Variants in ARHGEF7 observed in about 807,000 individuals in gnomAD.
ARHGEF7 encodes the protein PAK-interacting exchange factor beta.
ARHGEF7 carries 33 observed loss-of-function variants against 109.8 expected under a neutral mutation model. That is an observed-to-expected ratio of 0.30 (90% CI 0.23 to 0.40). The LOEUF (loss-of-function observed/expected upper bound fraction) is 0.40, where lower values mean the gene tolerates loss of function less well. Ranked by LOEUF, ARHGEF7 falls within the 10% of genes least tolerant of loss-of-function variation. The probability of loss-of-function intolerance (pLI) is 1.00; values close to 1 mark genes in which losing one functional copy is unlikely to be tolerated. For synonymous variants in ARHGEF7, 458 were observed against 424.6 expected (o/e 1.08, Z -0.97); for missense variants, 938 against 1,098.5 (o/e 0.85, Z 2.07).
intron 2 of ARHGEF7, among the ~76,000 whole-genome samples, chr13:111,168,483 T>A (rs2077312915): frequency 6.6e-6 from 1 of 152,190 alleles, no homozygotes. Flanking sequence ...GTTCTCAGAA[T>A]GTTCCAAGAA....
intron 2 of ARHGEF7, among the ~76,000 whole-genome samples, chr13:111,176,361 C>G (rs553337276): frequency 1.3e-5 from 2 of 152,338 alleles, no homozygotes; most frequent in South Asian, 4.1e-4. Flanking sequence ...AAGGCAGTTT[C>G]TGTTTCCTGA....
intron 2 of ARHGEF7, among the ~76,000 whole-genome samples, chr13:111,179,768 T>A (rs1237762555): frequency 6.6e-6 from 1 of 152,192 alleles, no homozygotes; most frequent in Non-Finnish European, 1.5e-5. Context: ...AATCCAGGCT[T>A]GTTAGTGTGT....
intron 1 of ARHGEF7, among the ~76,000 whole-genome samples, chr13:111,121,469 A>T (rs1364176074): frequency 6.6e-6 from 1 of 152,212 alleles, no homozygotes; most frequent in Non-Finnish European, 1.5e-5. Context: ...GAGGCCACTG[A>T]TCACTCTAAA....
chr13:111,203,416 C>T (rs1006622397), intron 2 of ARHGEF7, among the ~76,000 whole-genome samples: 1 of 152,174 alleles, frequency 6.6e-6, no homozygotes, highest in African/African-American at 2.4e-5. Flanking sequence ...AATATTACAA[C>T]AAATGTATTC....
At chr13:111,206,764 ATCCTGGCTAACACGGTGAAACCCCG>A (rs1451878177) in intron 3 of ARHGEF7, among the ~76,000 whole-genome samples, 2 of 152,010 alleles carry the variant, frequency 1.3e-5, no homozygotes, top group Non-Finnish European at 2.9e-5. Context: ...GATCGAGACC[ATCCTGGCTAACACGGTGAAACCCCG>A]TCTCAACTAA....
chr13:111,305,536 A>G lies in ARHGEF7; in HGVS notation c.*2423A>G, dbSNP rs2093633590. On this transcript the variant is annotated 3_prime_UTR_variant, in exon 22 of 22. Coordinates refer to ENST00000646102, the MANE Select transcript of ARHGEF7 (RefSeq NM_001354046.2). ...TGTCCACATGCGCTGGGCGTCTGGG[A>G]CCTTGAATGCCTGCCCTGGTTGTGT... 1 of 152,212 alleles carries G rather than the reference A, an allele frequency of 6.6e-6. No individual in the cohort carries two copies. The highest frequency in any genetic ancestry group is 2.4e-5 in the African/African-American group (1 of 41,446). The allele number at this position is 152,212 out of a possible 1,614,324, so 9.4% of individuals were successfully genotyped here.
intron 2 of ARHGEF7, among the ~76,000 whole-genome samples, chr13:111,176,380 C>T (rs1431494396): frequency 2.0e-5 from 3 of 152,202 alleles, no homozygotes; most frequent in South Asian, 2.1e-4. Flanking sequence ...GAGAATTGTG[C>T]GTGATGTGCC....
At chr13:111,171,798 A>G (rs552912781) in intron 2 of ARHGEF7, among the ~76,000 whole-genome samples, 1 of 152,334 alleles carries the variant, frequency 6.6e-6, no homozygotes, top group East Asian at 1.9e-4. Flanking sequence ...CCAAGGTGAC[A>G]GTATTAGGAG....
intron 2 of ARHGEF7, among the ~76,000 whole-genome samples, chr13:111,166,318 C>G (rs1375156348): frequency 1.3e-5 from 2 of 152,158 alleles, no homozygotes; most frequent in Non-Finnish European, 2.9e-5. Flanking sequence ...GGAGCGAGAT[C>G]AGGTGGTCCT....
At chr13:111,134,127 CT>C (rs1200324552) in intron 1 of ARHGEF7, among the ~76,000 whole-genome samples, 2 of 151,870 alleles carry the variant, frequency 1.3e-5, no homozygotes, top group Non-Finnish European at 2.9e-5. Flanking sequence ...TGAACTCATC[CT>C]TTTTTATGGC....
chr13:111,168,184 G>A (rs2153408482), intron 2 of ARHGEF7, among the ~76,000 whole-genome samples: 1 of 152,258 alleles, frequency 6.6e-6, no homozygotes, highest in South Asian at 2.1e-4. Flanking sequence ...GGCCAGGGTA[G>A]CTGGTGGAAG....
intron 17 of ARHGEF7, among the ~76,000 whole-genome samples, chr13:111,287,322 G>A (rs2093061876): frequency 6.6e-6 from 1 of 152,184 alleles, no homozygotes; most frequent in Non-Finnish European, 1.5e-5. Context: ...GCTGTGCCGG[G>A]GCTTCTCTCT....
intron 5 of ARHGEF7, among the ~76,000 whole-genome samples, chr13:111,222,462 G>C (rs1173578259): frequency 6.6e-6 from 1 of 151,888 alleles, no homozygotes; most frequent in Non-Finnish European, 1.5e-5. Context: ...TTTTGAGATG[G>C]AGTTTCACTC....
At chr13:111,133,805 A>G (rs1178618875) in intron 1 of ARHGEF7, among the ~76,000 whole-genome samples, 1 of 30,732 alleles carries the variant, frequency 3.3e-5, no homozygotes, top group African/African-American at 1.1e-4. Flanking sequence ...ATATATATAT[A>G]TATATATATT....
chr13:111,244,125 C>A, intron 7 of ARHGEF7, 74 bp from the exon 8 acceptor site: 2 of 1,277,246 alleles, frequency 1.6e-6, no homozygotes, highest in Non-Finnish European at 2.2e-6. Context: ...TTCAATAGGA[C>A]ATTGGGATGG....
At chr13:111,128,381 T>C (rs1380992154) in intron 1 of ARHGEF7, among the ~76,000 whole-genome samples, 2 of 152,230 alleles carry the variant, frequency 1.3e-5, no homozygotes, top group Non-Finnish European at 2.9e-5. Flanking sequence ...TAATCCCAGC[T>C]ACTCAGGAGG....
intron 4 of ARHGEF7, 47 bp from the exon 5 acceptor site, chr13:111,217,632 A>G (rs755618918): frequency 6.7e-7 from 1 of 1,501,356 alleles, no homozygotes; most frequent in South Asian, 1.1e-5. Context: ...ATAATGAAGT[A>G]GACTGTTCTT....
chr13:111,217,766 A>G lies in ARHGEF7; in HGVS notation c.556A>G (p.Lys186Glu). The change falls in exon 5 of 22, where the codon AAA becomes GAA. Residue 186 changes from lysine to glutamate, a missense_variant. Coordinates refer to ENST00000646102, the MANE Select transcript of ARHGEF7 (RefSeq NM_001354046.2). ...CAATGAGGACGAGCTTTCCTTCTCA[A>G]AAGGAGACGTCATCCATGTCACCCG... ...QTNEDELSFS[K>E]GDVIHVTRVE... 6.2e-7 allele frequency: 1 copy of G among 1,614,228 alleles called. No individual in the cohort carries two copies.
chr13:111,259,133 G>T, intron 8 of ARHGEF7, among the ~76,000 whole-genome samples: 1 of 152,166 alleles, frequency 6.6e-6, no homozygotes, highest in East Asian at 1.9e-4. Flanking sequence ...GGCATCTCTA[G>T]ACCTGCCCGG....
Sources: allele counts gnomAD v4.1 joint callset (sites outside exome capture counted in the v4.1 genomes callset), GRCh38; gene constraint gnomAD v4.1.1; transcripts MANE v1.5; gene names NCBI Gene and HGNC (gene_info 2026-07-23, HGNC 2026-07-21).